The following MED12L variants were observed in gnomAD, a reference collection of about 807,000 sequenced individuals.
MED12L encodes the protein mediator of RNA polymerase II transcription subunit 12-like protein.
MED12L carries 60 observed loss-of-function variants against 281.3 expected under a neutral mutation model. That is an observed-to-expected ratio of 0.21 (90% CI 0.17 to 0.26). The LOEUF (loss-of-function observed/expected upper bound fraction) is 0.26. Among genes scored for constraint, MED12L ranks in the 10% least tolerant of loss-of-function variants. The probability of loss-of-function intolerance (pLI) is 1.00; values close to 1 mark genes in which losing one functional copy is unlikely to be tolerated. For synonymous variants in MED12L, 974 were observed against 987.2 expected (o/e 0.99, Z 0.25); for missense variants, 2,146 against 2,680.9 (o/e 0.80, Z 4.41).
chr3:151,323,997 GA>G (rs1369554696), intron 16 of MED12L, among the ~76,000 whole-genome samples: 13 of 152,028 alleles, frequency 8.6e-5, no homozygotes, highest in Non-Finnish European at 1.8e-4. Flanking sequence ...TGGGGCCTTT[GA>G]GGAATTCTGC....
intron 5 of MED12L, among the ~76,000 whole-genome samples, chr3:151,137,968 A>G (rs1221505072): frequency 9.2e-5 from 14 of 152,116 alleles, no homozygotes; most frequent in Non-Finnish European, 1.8e-4. Context: ...CAAGAGTCAA[A>G]ACTATATAAA....
At chr3:151,132,561 T>C (rs1576794671) in intron 5 of MED12L, among the ~76,000 whole-genome samples, 1 of 152,206 alleles carries the variant, frequency 6.6e-6, no homozygotes, top group African/African-American at 2.4e-5. Context: ...CCAATACTGA[T>C]GGTGGTAACT....
chr3:151,218,456 T>A (rs1460018088), intron 16 of MED12L, among the ~76,000 whole-genome samples: 1 of 152,236 alleles, frequency 6.6e-6, no homozygotes, highest in Non-Finnish European at 1.5e-5. Flanking sequence ...TATCACTGAA[T>A]TTCTGCTGTG....
At chr3:151,125,268 C>G (rs770651067) in intron 4 of MED12L, among the ~76,000 whole-genome samples, 13 of 152,186 alleles carry the variant, frequency 8.5e-5, no homozygotes, top group Non-Finnish European at 1.6e-4. Flanking sequence ...GGTCTGCTTT[C>G]TTAATTGAGT....
At chr3:151,404,084 A>G (rs924276664) in intron 39 of MED12L, among the ~76,000 whole-genome samples, 3 of 152,170 alleles carry the variant, frequency 2.0e-5, no homozygotes, top group Admixed American at 2.0e-4. Flanking sequence ...TGCATCAATC[A>G]CTGGCTTTTT....
intron 16 of MED12L, among the ~76,000 whole-genome samples, chr3:151,253,757 C>T (rs1027376724): frequency 4.6e-5 from 7 of 151,998 alleles, no homozygotes; most frequent in African/African-American, 1.7e-4. Context: ...TTTTTTGCAG[C>T]CTCTCTCATC....
intron 16 of MED12L, among the ~76,000 whole-genome samples, chr3:151,345,326 T>G (rs1214579648): frequency 3.3e-5 from 5 of 152,170 alleles, no homozygotes; most frequent in African/African-American, 1.2e-4. Flanking sequence ...GAGTAATTTT[T>G]GGGTGTTTAT....
intron 16 of MED12L, among the ~76,000 whole-genome samples, chr3:151,195,499 T>G (rs1241834262): frequency 6.6e-6 from 1 of 152,194 alleles, no homozygotes; most frequent in Non-Finnish European, 1.5e-5. Flanking sequence ...AAGTTTGTTC[T>G]TATCTATCAC....
intron 11 of MED12L, among the ~76,000 whole-genome samples, chr3:151,179,169 A>G (rs1401328617): frequency 6.6e-6 from 1 of 152,142 alleles, no homozygotes; most frequent in Non-Finnish European, 1.5e-5. Context: ...GTGAAACCCC[A>G]TCTCTACTAA....
In MED12L at chr3:151,400,915, T is replaced by A. The variant is rs567746532; in HGVS notation, c.5820+6048T>A. On this transcript the variant is annotated intron_variant, in intron 39 of 44. Transcript: ENST00000687756. Reference sequence around the variant, plus strand: ...TCCATAATGCTGTAGATTATTTTTTTAAAAAAAATTACAGATGTGGATGAG... The same window carrying A: ...TCCATAATGCTGTAGATTATTTTTTAAAAAAAAATTACAGATGTGGATGAG... 3.9e-5 allele frequency among the ~76,000 whole-genome samples: 6 copies of A among 152,254 alleles called. No homozygotes were observed. In the South Asian group the frequency reaches 8.3e-4, roughly 21 times the overall value.
intron 27 of MED12L, among the ~76,000 whole-genome samples, chr3:151,374,421 G>A (rs1756572736): frequency 6.6e-6 from 1 of 152,136 alleles, no homozygotes; most frequent in Non-Finnish European, 1.5e-5. Context: ...GGTGGCACAT[G>A]CCTGTCATCC....
chr3:151,393,651 A>G (rs755260959), intron 38 of MED12L, among the ~76,000 whole-genome samples: 7 of 152,174 alleles, frequency 4.6e-5, no homozygotes, highest in Non-Finnish European at 7.3e-5. Context: ...TATTTAGGAA[A>G]CAAACCAGGG....
intron 14 of MED12L, among the ~76,000 whole-genome samples, chr3:151,191,935 TC>T (rs1724040687): frequency 6.6e-6 from 1 of 151,884 alleles, no homozygotes; most frequent in African/African-American, 2.4e-5. Context: ...AAAAAACACC[TC>T]ACAGTTTAGG....
At chr3:151,320,752 G>A (rs1748899893) in intron 16 of MED12L, among the ~76,000 whole-genome samples, 1 of 152,096 alleles carries the variant, frequency 6.6e-6, no homozygotes, top group East Asian at 1.9e-4. Flanking sequence ...CCTATGCTGG[G>A]CAACTTAATC....
At chr3:151,431,954 A>G (rs1719585539) in intron 44 of MED12L, among the ~76,000 whole-genome samples, 2 of 152,228 alleles carry the variant, frequency 1.3e-5, no homozygotes. Flanking sequence ...AATAGAGCTG[A>G]GGCTTGAGCT....
At chr3:151,094,039 T>C (rs1720407999) in intron 2 of MED12L, among the ~76,000 whole-genome samples, 1 of 152,082 alleles carries the variant, frequency 6.6e-6, no homozygotes, top group Non-Finnish European at 1.5e-5. Context: ...ATGCACAGAG[T>C]TGAAAGATTC....
intron 42 of MED12L, among the ~76,000 whole-genome samples, chr3:151,414,009 C>T (rs933328366): frequency 4.6e-5 from 7 of 152,094 alleles, no homozygotes; most frequent in African/African-American, 7.2e-5. Flanking sequence ...ACCACCACCC[C>T]TGGCTAATTT....
chr3:151,339,235 G>T (rs1368163793), intron 16 of MED12L, among the ~76,000 whole-genome samples: 1 of 151,922 alleles, frequency 6.6e-6, no homozygotes, highest in Non-Finnish European at 1.5e-5. Flanking sequence ...ATGCCTTTTA[G>T]CTTTTTGGTT....
chr3:151,375,508 C>G (rs1756723306), intron 27 of MED12L, among the ~76,000 whole-genome samples: 1 of 152,004 alleles, frequency 6.6e-6, no homozygotes, highest in East Asian at 1.9e-4. Flanking sequence ...TGAAATTACC[C>G]TAAGAAAATT....
Sources: gnomAD v4.1 joint callset for allele counts (sites outside exome capture counted in the v4.1 genomes callset) on GRCh38, gnomAD v4.1.1 for gene constraint, MANE v1.5 for transcripts, NCBI Gene and HGNC (gene_info 2026-07-23, HGNC 2026-07-21) for gene names.